Variants in ACAP3 observed in about 807,000 individuals in gnomAD.
The protein encoded by ACAP3 is ArfGAP with coiled-coil, ankyrin repeat and PH domains 3.
In ACAP3, 56 loss-of-function variants were observed where a neutral mutation model predicts 104.1. The observed-to-expected ratio is 0.54, with a 90% CI of 0.43 to 0.67. ACAP3 has a LOEUF of 0.67. Among genes scored for constraint, ACAP3 ranks in the 30% least tolerant of loss-of-function variants. The pLI, the probability that ACAP3 is intolerant of heterozygous loss-of-function variation, is 0.00. For synonymous variants in ACAP3, 628 were observed against 496.2 expected (o/e 1.27, Z -3.53); for missense variants, 1,208 against 1,174.9 (o/e 1.03, Z -0.41).
chr1:1,304,212 GCACCTCCCTGAGGGGCTC>G, intron 1 of ACAP3, 69 bp from the exon 2 acceptor site: 2 of 1,522,974 alleles, frequency 1.3e-6, no homozygotes, highest in Non-Finnish European at 1.8e-6. Flanking sequence ...ACCTCCCCCC[GCACCTCCCTGAGGGGCTC>G]CACCATGGGA....
rs187491176 is a variant in ACAP3 at position 1,307,488 on chromosome 1, G to A, written c.47+281C>T. The A allele has an allele frequency of 2.8e-5, 36 of 1,264,592 alleles. No homozygotes were observed. In the Admixed American group the frequency reaches 8.7e-4, roughly 31 times the overall value. 78.3% of individuals were successfully genotyped at this position (1,264,592 alleles called of 1,614,324 possible). The stretch of plus-strand genomic sequence containing the variant: ...GGCCCGGGAGGGGCTCAGCCCAGTG[G>A]AGGTGCAGACACAGAGCGGGGGCGG... On this transcript the variant is annotated intron_variant, in intron 1 of 23. Transcript: ENST00000354700.
At position 1,296,321 on chromosome 1, in the gene ACAP3, C is replaced by A. The variant is rs199873685; in HGVS notation, c.1338-41G>T. 2.8e-3 allele frequency: 4,320 copies of A among 1,549,612 alleles called. 19 individuals carry two copies. The highest frequency in any genetic ancestry group is 3.3e-3 in the Non-Finnish European group (3,758 of 1,146,596). On this transcript the variant is annotated intron_variant, in intron 15 of 23. Transcript: ENST00000354700. ...AGGGATGAGTCTGGGGGAGGCAAGG[C>A]CCCCAGCTCCGGCCCAACCCCCACC...
chr1:1,307,612 C>A (rs1359313729), intron 1 of ACAP3, among the ~76,000 whole-genome samples, 157 bp downstream of exon 1: 2 of 151,986 alleles, frequency 1.3e-5, no homozygotes, highest in African/African-American at 2.4e-5. Flanking sequence ...CGGGGCATGG[C>A]GGGGCGGGGC....
chr1:1,301,921 C>A, intron 5 of ACAP3, 67 bp downstream of exon 5: 1 of 1,438,432 alleles, frequency 7.0e-7, no homozygotes, highest in Non-Finnish European at 9.3e-7. Context: ...CTGCCCCAGA[C>A]CCCCTTCCCC....
At chr1:1,300,862 C>T (rs1182311631) in intron 5 of ACAP3, among the ~76,000 whole-genome samples, 170 bp from the exon 6 acceptor site, 3 of 152,186 alleles carry the variant, frequency 2.0e-5, no homozygotes, top group Admixed American at 6.5e-5. Context: ...ATCTCTGCCT[C>T]GCGAGTTCAA....
chr1:1,306,670 A>G (rs914795093), intron 1 of ACAP3, among the ~76,000 whole-genome samples: 1 of 152,210 alleles, frequency 6.6e-6, no homozygotes, highest in African/African-American at 2.4e-5. Flanking sequence ...GCGCGTGCAC[A>G]CCCACACATA....
chr1:1,306,794 G>A (rs111668937), intron 1 of ACAP3, among the ~76,000 whole-genome samples: 16 of 152,384 alleles, frequency 1.0e-4, no homozygotes, highest in African/African-American at 3.8e-4. Context: ...ATCAACATGT[G>A]TACCTAGTGA....
chr1:1,295,774 A>G lies in ACAP3; in HGVS notation c.1667T>C (p.Leu556Pro). The change falls in exon 18 of 24, where the codon CTT (leucine) becomes CCT (proline). Residue 556 changes from leucine (L) to proline (P), a missense_variant. By Grantham distance (98) the Leu-to-Pro change is moderately conservative. Transcript: ENST00000354700. The stretch of plus-strand genomic sequence containing the variant: ...GGCCACACAGGGCAGAACGGGCTCA[A>G]GCCGGACCTTGCGGCGGGCAGTGGG... ...RAPTARRKVRLEPVLPCVAAL... is the reference protein window; with the variant it reads ...RAPTARRKVRPEPVLPCVAAL... 1 of 1,608,238 alleles carries G rather than the reference A, an allele frequency of 6.2e-7. No individual in the cohort carries two copies. Among genetic ancestry groups the G allele is most frequent in the Non-Finnish European group, 8.5e-7 (1 of 1,179,584 alleles).
At chr1:1,301,949 G>A (rs915942749) in intron 5 of ACAP3, 39 bp downstream of exon 5, 13 of 1,519,746 alleles carry the variant, frequency 8.6e-6, no homozygotes, top group Non-Finnish European at 9.7e-6. Flanking sequence ...GAGGGAGCGT[G>A]GCCTCAGTGT....
Position 1,293,403 on chromosome 1 carries a change from C to G in ACAP3, c.*161G>C, listed in dbSNP as rs1262097760. The G allele has an allele frequency of 1.5e-6, 1 of 678,724 alleles. No homozygotes were observed. Among genetic ancestry groups the G allele is most frequent in the Non-Finnish European group, 2.0e-6 (1 of 490,590 alleles). 42.0% of individuals were successfully genotyped at this position (678,724 alleles called of 1,614,324 possible). On this transcript the variant is annotated 3_prime_UTR_variant, in exon 24 of 24. Transcript: ENST00000354700. The stretch of plus-strand genomic sequence containing the variant: ...CAAGAGACTCAGTGTGGGGCCCTCG[C>G]TCTCCTCCTGGGCGAGCAGGGCCGC...
In ACAP3 at chr1:1,293,278, ACCCAGG is replaced by A. The variant is rs1640920956; in HGVS notation, c.*280_*285del. 3 of 242,996 alleles carry A rather than the reference ACCCAGG, an allele frequency of 1.2e-5. No homozygotes were observed. Among genetic ancestry groups the A allele is most frequent in the Middle Eastern group, 1.3e-3 (1 of 778 alleles). The allele number at this position is 242,996 out of a possible 1,614,324, so 15.1% of individuals were successfully genotyped here. On this transcript the variant is annotated 3_prime_UTR_variant, in exon 24 of 24. Coordinates refer to ENST00000354700, the MANE Select transcript of ACAP3 (RefSeq NM_030649.3). Reference sequence around the variant, plus strand: ...TTAAAAGTGGCTTGTGACATGAGCAACCCAGGCCCCTGAAAAGGGGTGACCTGAAGA... The same window carrying A: ...TTAAAAGTGGCTTGTGACATGAGCAACCCCTGAAAAGGGGTGACCTGAAGA...
In ACAP3 at chr1:1,295,796, T is replaced by G. The variant is rs1570633307; in HGVS notation, c.1645A>C (p.Thr549Pro). The G allele has an allele frequency of 6.2e-7, 1 of 1,609,476 alleles. No individual in the cohort carries two copies. The highest frequency in any genetic ancestry group is 1.3e-5 in the African/African-American group (1 of 75,054). ...TCAAGCCGGACCTTGCGGCGGGCAG[T>G]GGGAGCGCGGGGAGAGCTGTGGGGC... ...LRPHSSPRAP[T>P]ARRKVRLEPV... Residue 549 changes from threonine to proline, a missense_variant, in exon 18 of 24, where the codon ACT becomes CCT. Physicochemically the swap from Thr to Pro is conservative, Grantham distance 38. Coordinates refer to ENST00000354700, the MANE Select transcript of ACAP3 (RefSeq NM_030649.3).
At chr1:1,307,161 G>T (rs970013797) in intron 1 of ACAP3, 2 of 1,276,418 alleles carry the variant, frequency 1.6e-6, no homozygotes, top group South Asian at 1.2e-5. Context: ...ACACGTCTGT[G>T]AACATGTAGT....
At position 1,300,591 on chromosome 1, in the gene ACAP3, G is replaced by A. The variant is rs776554204; in HGVS notation, c.440C>T (p.Pro147Leu). 5 of 1,610,428 alleles carry A rather than the reference G, an allele frequency of 3.1e-6. No individual in the cohort carries two copies. The East Asian group carries it at 8.9e-5, about 29-fold the overall frequency. ...CCCGGTGGCTTCCTCCACCTCGTGGGGCCGGTGCCTCGGGGCCTGGGCGTT... is the reference window on the plus strand; with the variant it reads ...CCCGGTGGCTTCCTCCACCTCGTGGAGCCGGTGCCTCGGGGCCTGGGCGTT... ...VRNAQAPRHRPHEVEEATGAL... is the reference protein window; with the variant it reads ...VRNAQAPRHRLHEVEEATGAL... Residue 147 changes from proline to leucine, a missense_variant, in exon 6 of 24, where the codon CCC (proline) becomes CTC (leucine). Pro to Leu is a moderately conservative substitution (Grantham distance 98, BLOSUM62 -3). Transcript: ENST00000354700.
In ACAP3 at chr1:1,300,607, C is replaced by T; in HGVS notation, c.424G>A (p.Ala142Thr). Residue 142 changes from alanine to threonine, a missense_variant, in exon 6 of 24, where the codon GCC (alanine) becomes ACC (threonine). By Grantham distance (58) the Ala-to-Thr change is moderately conservative. Coordinates refer to ENST00000354700, the MANE Select transcript of ACAP3 (RefSeq NM_030649.3). ...ACCTCGTGGGGCCGGTGCCTCGGGGCCTGGGCGTTCCTCACCAGGGACAGC... is the reference window on the plus strand; with the variant it reads ...ACCTCGTGGGGCCGGTGCCTCGGGGTCTGGGCGTTCCTCACCAGGGACAGC... Reference protein sequence around the residue: ...LELSLVRNAQAPRHRPHEVEE... With the variant: ...LELSLVRNAQTPRHRPHEVEE... 6.2e-7 allele frequency: 1 copy of T among 1,608,524 alleles called. No individual in the cohort carries two copies. Among genetic ancestry groups the T allele is most frequent in the Non-Finnish European group, 8.5e-7 (1 of 1,178,820 alleles).
Position 1,298,547 on chromosome 1 carries a change from A to G in ACAP3, c.863+20T>C. On this transcript the variant is annotated intron_variant, in intron 11 of 23. Coordinates refer to ENST00000354700, the MANE Select transcript of ACAP3 (RefSeq NM_030649.3). ...ACCCCCGCCTAAGGACCCCGCCCCC[A>G]CCTGAGGAAGGCCTCTCACCGGTTC... 1.7e-6 allele frequency: 1 copy of G among 597,976 alleles called. No homozygotes were observed. The highest frequency in any genetic ancestry group is 3.3e-5 in the East Asian group (1 of 30,430). The allele number at this position is 597,976 out of a possible 1,614,324, so 37.0% of individuals were successfully genotyped here.
chr1:1,294,423 C>A lies in ACAP3; in HGVS notation c.2118G>T (p.Pro706=). The A allele has an allele frequency of 6.3e-7, 1 of 1,575,238 alleles. No individual in the cohort carries two copies. The highest frequency in any genetic ancestry group is 8.6e-7 in the Non-Finnish European group (1 of 1,166,180). ...WADAEDEGKT[P]LVQAVLGGSL... ...TCACCCCTAGCACGGCCTGCACCAG[C>A]GGCGTCTTGCCCTCATCCTCCGCGT... Residue 706 remains proline, a synonymous_variant, in exon 21 of 24, where the codon CCG becomes CCT. Transcript: ENST00000354700.
At chr1:1,299,255 C>A in intron 10 of ACAP3, 90 bp downstream of exon 10, 1 of 1,503,352 alleles carries the variant, frequency 6.7e-7, no homozygotes, top group Non-Finnish European at 9.1e-7. Flanking sequence ...GTCCTTGGTG[C>A]TGAAGTGCCC....
chr1:1,306,018 G>A (rs1240516621), intron 1 of ACAP3: 6 of 152,264 alleles, frequency 3.9e-5, no homozygotes, highest in African/African-American at 1.4e-4. Context: ...CTGCCCCCAG[G>A]ACAGCCTCAG....
Sources: gnomAD v4.1 joint callset for allele counts (sites outside exome capture counted in the v4.1 genomes callset) on GRCh38, gnomAD v4.1.1 for gene constraint, MANE v1.5 for transcripts, NCBI Gene and HGNC (gene_info 2026-07-23, HGNC 2026-07-21) for gene names.